Variants in UTY observed in about 807,000 individuals in gnomAD.
The protein encoded by UTY is histone demethylase UTY.
UTY carries 12 observed loss-of-function variants against 32.5 expected under a neutral mutation model. That is an observed-to-expected ratio of 0.37 (90% CI 0.24 to 0.60). The LOEUF is 0.60. Ranked by LOEUF, UTY falls within the 20% of genes least tolerant of loss-of-function variation. UTY has a pLI of 0.69. For missense variants in UTY, 303 were observed against 299.2 expected, an observed-to-expected ratio of 1.01 and a Z score of -0.09; for synonymous variants, 131 against 103.4, an observed-to-expected ratio of 1.27 and a Z score of -1.62.
chrY:13,276,337 G>A, intron 27 of UTY, among the ~76,000 whole-genome samples: 2 of 33,646 alleles, frequency 5.9e-5, no homozygotes, highest in African/African-American at 1.2e-4. Flanking sequence ...AAGCATATTC[G>A]AATTCATTAT....
intron 4 of UTY, among the ~76,000 whole-genome samples, chrY:13,442,779 G>C: frequency 3.0e-5 from 1 of 33,688 alleles, no homozygotes; most frequent in East Asian, 7.7e-4. Flanking sequence ...CTCTAGAGAA[G>C]ACACCAAAAA....
intron 9 of UTY, among the ~76,000 whole-genome samples, chrY:13,368,839 AAATAT>A (rs2064572209): frequency 3.0e-5 from 1 of 33,260 alleles, no homozygotes. Context: ...CTCAGAAATA[AAATAT>A]AAGTTTTAAA....
intron 4 of UTY, among the ~76,000 whole-genome samples, chrY:13,433,912 T>C (rs376963367): frequency 1.8e-4 from 6 of 33,874 alleles, no homozygotes; most frequent in African/African-American, 6.9e-4. Context: ...GCCTAACATA[T>C]GCTTAAAGTA....
At chrY:13,234,701 GT>G (rs769738091) in exon 29 of UTY, 1 of 132,279 alleles carries the variant, frequency 7.6e-6, no homozygotes. Flanking sequence ...AGGCCCTGGA[GT>G]GGGTAGCTCC....
intron 6 of UTY, among the ~76,000 whole-genome samples, chrY:13,399,747 C>T: frequency 3.0e-5 from 1 of 32,954 alleles, no homozygotes; most frequent in Non-Finnish European, 7.5e-5. Context: ...TATGTCACCC[C>T]AAAATAGGCG....
At chrY:13,424,525 TG>T (rs2073027424) in intron 4 of UTY, among the ~76,000 whole-genome samples, 1 of 33,009 alleles carries the variant, frequency 3.0e-5, no homozygotes, top group Non-Finnish European at 7.5e-5. Context: ...AAGACCATCC[TG>T]GCTAACACAG....
chrY:13,371,816 G>A (rs2064952137), intron 8 of UTY, among the ~76,000 whole-genome samples: 1 of 33,028 alleles, frequency 3.0e-5, no homozygotes, highest in African/African-American at 1.2e-4. Flanking sequence ...GAAGTTGTAG[G>A]GGTATGGGGA....
chrY:13,303,036 A>C, intron 24 of UTY, 45 bp from the exon 25 acceptor site: 1 of 224,731 alleles, frequency 4.4e-6, no homozygotes, highest in Non-Finnish European at 7.4e-6. Flanking sequence ...AGCATAAATT[A>C]AATGGAGAAA....
At chrY:13,418,885 A>C in intron 4 of UTY, among the ~76,000 whole-genome samples, 1 of 33,553 alleles carries the variant, frequency 3.0e-5, no homozygotes, top group Admixed American at 2.7e-4. Flanking sequence ...TTCATATTAG[A>C]AGCAGGACTT....
intron 27 of UTY, among the ~76,000 whole-genome samples, chrY:13,263,886 G>A (rs1012841102): frequency 3.6e-4 from 12 of 33,424 alleles, no homozygotes; most frequent in Admixed American, 1.6e-3. Flanking sequence ...CACATCAACC[G>A]GTCACCTACA....
Position 13,362,315 on chromosome Y carries a change from C to T in UTY, c.867-1787G>A, listed in dbSNP as rs751828978. ...GTCACCTTGAGGAAAACATTTTATT[C>T]CTCTGGACTTACTTCCTACATCTAT... On this transcript the variant is annotated intron_variant, in intron 10 of 29. Transcript: ENST00000545955. Among the ~76,000 whole-genome samples, 7 of 33,780 alleles carry T rather than the reference C, an allele frequency of 2.1e-4. No homozygotes were observed. The South Asian group carries it at 3.9e-3, about 19-fold the overall frequency. 90.6% of individuals were successfully genotyped at this position (33,780 alleles called of 37,273 possible). A position where few individuals can be genotyped will look rare whatever the true frequency, so the allele number is the denominator to read the frequency against.
intron 28 of UTY, among the ~76,000 whole-genome samples, chrY:13,242,810 T>C (rs2053916836): frequency 3.0e-5 from 1 of 33,887 alleles, no homozygotes; most frequent in East Asian, 7.6e-4. Context: ...AATCCAGATA[T>C]TTATGGCCAA....
At chrY:13,318,017 G>T (rs2059591418) in intron 21 of UTY, among the ~76,000 whole-genome samples, 1 of 31,254 alleles carries the variant, frequency 3.2e-5, no homozygotes, top group Non-Finnish European at 7.7e-5. Flanking sequence ...AAAATTATCA[G>T]GGCATGATAG....
intron 27 of UTY, among the ~76,000 whole-genome samples, chrY:13,273,545 C>T: frequency 3.0e-5 from 1 of 33,363 alleles, no homozygotes; most frequent in Non-Finnish European, 7.4e-5. Context: ...CAAAACAATA[C>T]ATTTCAAGTA....
intron 20 of UTY, 70 bp downstream of exon 20, chrY:13,324,531 T>C: frequency 3.7e-6 from 1 of 268,856 alleles, no homozygotes; most frequent in Non-Finnish European, 5.6e-6. Context: ...AAAAAATCAG[T>C]GAGTTTCTGT....
intron 4 of UTY, among the ~76,000 whole-genome samples, chrY:13,442,214 T>C (rs985974994): frequency 6.5e-4 from 22 of 33,955 alleles, no homozygotes; most frequent in Admixed American, 5.3e-4. Flanking sequence ...AAATTTAACC[T>C]GATTAACTGT....
At chrY:13,350,052 G>C (rs959554621) in intron 17 of UTY, among the ~76,000 whole-genome samples, 2 of 33,489 alleles carry the variant, frequency 6.0e-5, no homozygotes, top group Non-Finnish European at 1.5e-4. Flanking sequence ...ATTTCACCAT[G>C]TGAGGACACA....
chrY:13,295,022 T>C, intron 27 of UTY, among the ~76,000 whole-genome samples: 1 of 27,299 alleles, frequency 3.7e-5, no homozygotes, highest in Non-Finnish European at 8.5e-5. Context: ...ATCCCGCCAT[T>C]GCACCCCAGC....
chrY:13,413,772 A>G, intron 5 of UTY, among the ~76,000 whole-genome samples: 1 of 34,675 alleles, frequency 2.9e-5, no homozygotes, highest in African/African-American at 1.1e-4. Flanking sequence ...CTGCCGGCAC[A>G]CCTGACTGTA....
Sources: allele counts gnomAD v4.1 joint callset (sites outside exome capture counted in the v4.1 genomes callset), GRCh38; gene constraint gnomAD v4.1.1; transcripts MANE v1.5; gene names NCBI Gene and HGNC (gene_info 2026-07-23, HGNC 2026-07-21).